The following IL1R2 variants were observed in gnomAD, a reference collection of about 807,000 sequenced individuals.
The protein encoded by IL1R2 is interleukin-1 receptor type 2.
Under a neutral mutation model 39.5 loss-of-function variants are expected in IL1R2, and 46 were observed. The ratio of observed to expected loss-of-function variants is 1.16; its 90% confidence interval spans 0.92 to 1.49. The LOEUF is 1.49. IL1R2 is among the 40% of genes most tolerant of loss of function. The probability of loss-of-function intolerance (pLI) is 0.00; values close to 1 mark genes in which losing one functional copy is unlikely to be tolerated. For synonymous variants in IL1R2, 207 were observed against 189.6 expected (o/e 1.09, Z -0.75); for missense variants, 537 against 502.0 (o/e 1.07, Z -0.67).
intron 4 of IL1R2, 121 bp from the exon 5 acceptor site, chr2:102,019,517 G>A: frequency 1.4e-6 from 1 of 733,360 alleles, no homozygotes; most frequent in South Asian, 1.9e-5. Flanking sequence ...AATTGGCAAA[G>A]TAAATACCAG....
intron 7 of IL1R2, 80 bp downstream of exon 7, chr2:102,024,748 A>G: frequency 6.5e-7 from 1 of 1,527,530 alleles, no homozygotes; most frequent in Non-Finnish European, 8.9e-7. Context: ...TATGACCCAC[A>G]TACCACATTA....
intron 5 of IL1R2, among the ~76,000 whole-genome samples, chr2:102,021,319 T>A (rs1677381672): frequency 6.6e-6 from 1 of 150,462 alleles, no homozygotes; most frequent in South Asian, 2.1e-4. Flanking sequence ...TTTTTTTTTT[T>A]TTTGGTTTTT....
chr2:102,011,890 C>T (rs3218870), intron 3 of IL1R2, among the ~76,000 whole-genome samples: 26,561 of 152,014 alleles, frequency 0.17, 2,829 homozygotes, highest in East Asian at 0.29. Context: ...AGCTCTTTTG[C>T]TTTTTGATCC....
chr2:102,003,846 TCTGTGGCTGTGTCTGTGG>T (rs1676085044), intron 1 of IL1R2, among the ~76,000 whole-genome samples: 1 of 150,976 alleles, frequency 6.6e-6, no homozygotes, highest in African/African-American at 2.4e-5. Context: ...TGTGTCTGTG[TCTGTGGCTGTGTCTGTGG>T]CTGTGTCTGT....
chr2:101,992,087 A>AGAG (rs1675353552), intron 1 of IL1R2, 76 bp downstream of exon 1: 6 of 140,430 alleles, frequency 4.3e-5, no homozygotes, highest in African/African-American at 1.6e-4. Flanking sequence ...GAGAGAGAGA[A>AGAG]AGAGAGAGAG....
At chr2:102,002,858 AGGTC>A (rs1675982238) in intron 1 of IL1R2, among the ~76,000 whole-genome samples, 1 of 92,048 alleles carries the variant, frequency 1.1e-5, no homozygotes, top group Non-Finnish European at 2.5e-5. Flanking sequence ...GTCTGTGTCT[AGGTC>A]TAGGTCTGTG....
Position 102,016,061 on chromosome 2 carries a change from T to TA in IL1R2, c.513+16dup. ...GATTCAATGGTACAAGGTACGGCTT[T>TA]AAAAAATGCCATTTTACTAAAATGT... On this transcript the variant is annotated intron_variant, in intron 4 of 8. Coordinates refer to ENST00000332549, the MANE Select transcript of IL1R2 (RefSeq NM_004633.4). 5 of 1,581,442 alleles carry TA rather than the reference T, an allele frequency of 3.2e-6. No individual in the cohort carries two copies. The highest frequency in any genetic ancestry group is 3.4e-6 in the Non-Finnish European group (4 of 1,161,620).
intron 1 of IL1R2, among the ~76,000 whole-genome samples, chr2:101,993,007 G>A (rs1675423010): frequency 6.6e-6 from 1 of 152,164 alleles, no homozygotes; most frequent in Admixed American, 6.5e-5. Context: ...ATGATTCTAG[G>A]CCACAAGTAA....
Position 102,019,680 on chromosome 2 carries a change from G to A in IL1R2, c.556G>A (p.Val186Met), listed in dbSNP as rs1577724073. The change falls in exon 5 of 9, where the codon GTG (valine) becomes ATG (methionine). Residue 186 changes from valine to methionine, a missense_variant. Physicochemically the swap from Val to Met is conservative, Grantham distance 21 (BLOSUM62 1). Coordinates refer to ENST00000332549, the MANE Select transcript of IL1R2 (RefSeq NM_004633.4). ...LDKDNEKFLS[V>M]RGTTHLLVHD... is the part of the protein sequence containing the mutation. ...TAAAGACAATGAGAAATTTCTAAGTGTGAGGGGGACCACTCACTTACTCGT... is the reference window on the plus strand; with the variant it reads ...TAAAGACAATGAGAAATTTCTAAGTATGAGGGGGACCACTCACTTACTCGT... 6.2e-7 allele frequency: 1 copy of A among 1,613,952 alleles called. No homozygotes were observed. Among genetic ancestry groups the A allele is most frequent in the South Asian group, 1.1e-5 (1 of 91,058 alleles).
chr2:101,993,886 C>A (rs1439044868), intron 1 of IL1R2, among the ~76,000 whole-genome samples: 1 of 152,142 alleles, frequency 6.6e-6, no homozygotes, highest in Non-Finnish European at 1.5e-5. Context: ...CTTCCTGGAA[C>A]CTCCCAGCGC....
chr2:101,995,636 A>C (rs1256394128), intron 1 of IL1R2, among the ~76,000 whole-genome samples: 1 of 152,190 alleles, frequency 6.6e-6, no homozygotes. Context: ...AGGTCCTGAT[A>C]CTTCACTTTG....
chr2:102,006,796 C>T (rs561659753), intron 1 of IL1R2, among the ~76,000 whole-genome samples: 1 of 152,362 alleles, frequency 6.6e-6, no homozygotes, highest in East Asian at 1.9e-4. Context: ...GCTCCCACTT[C>T]CGGCCCTGCC....
chr2:102,009,659 C>G lies in IL1R2; in HGVS notation c.165C>G (p.Tyr55Ter). Residue 55 changes from tyrosine (Y) to a stop codon, truncating the protein, a stop_gained, in exon 3 of 9, where the codon TAC becomes TAG. Transcript: ENST00000332549. LOFTEE classifies it high-confidence loss of function. The stretch of plus-strand genomic sequence containing the variant: ...CCCTGAGGTGCCCCCAGGTGCCCTA[C>G]TGGTTGTGGGCCTCTGTCAGCCCCC... ...PVALRCPQVPYWLWASVSPRI... is the reference protein window; with the variant it reads ...PVALRCPQVP 6.2e-7 allele frequency: 1 copy of G among 1,614,204 alleles called. No homozygotes were observed. The highest frequency in any genetic ancestry group is 8.5e-7 in the Non-Finnish European group (1 of 1,180,030).
At chr2:102,013,828 C>G (rs913208764) in intron 3 of IL1R2, among the ~76,000 whole-genome samples, 1 of 152,032 alleles carries the variant, frequency 6.6e-6, no homozygotes, top group Non-Finnish European at 1.5e-5. Flanking sequence ...ATGGCTGTTA[C>G]AACTTTCATG....
chr2:102,011,050 T>C (rs1676598957), intron 3 of IL1R2, among the ~76,000 whole-genome samples: 1 of 152,230 alleles, frequency 6.6e-6, no homozygotes, highest in Non-Finnish European at 1.5e-5. Flanking sequence ...TTCGTTCATG[T>C]TGTAGCATGA....
At chr2:102,007,663 T>C (rs1676350322) in intron 1 of IL1R2, among the ~76,000 whole-genome samples, 1 of 152,162 alleles carries the variant, frequency 6.6e-6, no homozygotes, top group African/African-American at 2.4e-5. Context: ...TCTCCAAAGA[T>C]GATTTTGAGG....
At chr2:102,010,484 G>A (rs1472513141) in intron 3 of IL1R2, among the ~76,000 whole-genome samples, 2 of 152,036 alleles carry the variant, frequency 1.3e-5, no homozygotes, top group Non-Finnish European at 2.9e-5. Context: ...GCTGAGGCAG[G>A]AGAATGGCGT....
intron 3 of IL1R2, chr2:102,010,243 A>T: frequency 5.8e-6 from 1 of 171,236 alleles, no homozygotes; most frequent in Non-Finnish European, 1.3e-5. Context: ...CATGGTAAGG[A>T]ACCAAGAAAT....
chr2:101,994,866 C>T lies in IL1R2; in HGVS notation c.-62+2855C>T, dbSNP rs368575002. Among the ~76,000 whole-genome samples, 16 of 152,312 alleles carry T rather than the reference C, an allele frequency of 1.1e-4. No individual in the cohort carries two copies. In the South Asian group the frequency reaches 2.9e-3, roughly 28 times the overall value. On this transcript the variant is annotated intron_variant, in intron 1 of 8. Transcript: ENST00000332549. ...GGATTTAGAAAGTCTGGGAAGAGGT[C>T]TTCTTATTTGGGGGCAAGGAAGAAG...
Sources: gnomAD v4.1 joint callset for allele counts (sites outside exome capture counted in the v4.1 genomes callset) on GRCh38, gnomAD v4.1.1 for gene constraint, MANE v1.5 for transcripts, NCBI Gene and HGNC (gene_info 2026-07-23, HGNC 2026-07-21) for gene names.